The following TMEM51 variants were observed in gnomAD, a reference collection of about 807,000 sequenced individuals.
The protein encoded by TMEM51 is chromosome 1 open reading frame 72.
In TMEM51, 8 loss-of-function variants were observed where a neutral mutation model predicts 13.6. That is an observed-to-expected ratio of 0.59 (90% CI 0.35 to 1.07). The LOEUF (loss-of-function observed/expected upper bound fraction) is 1.07. Ranked by LOEUF, TMEM51 falls within the 50% of genes least tolerant of loss-of-function variation. TMEM51 has a pLI of 0.02. For synonymous variants in TMEM51, 147 were observed against 144.4 expected (o/e 1.02, Z -0.13); for missense variants, 279 against 330.7 (o/e 0.84, Z 1.21).
At chr1:15,178,418 C>A (rs1643514516) in intron 1 of TMEM51, among the ~76,000 whole-genome samples, 2 of 152,138 alleles carry the variant, frequency 1.3e-5, no homozygotes, top group African/African-American at 4.8e-5. Context: ...GATCACTTGG[C>A]TAATTAAAAG....
chr1:15,167,345 A>C (rs2100827680), intron 1 of TMEM51, among the ~76,000 whole-genome samples: 1 of 146,640 alleles, frequency 6.8e-6, no homozygotes, highest in East Asian at 1.9e-4. Flanking sequence ...AAAAAAAAAA[A>C]AAAAAAAAAA....
chr1:15,197,565 G>A (rs1196322047), intron 1 of TMEM51, among the ~76,000 whole-genome samples: 1 of 151,966 alleles, frequency 6.6e-6, no homozygotes. Context: ...CAAAAGCCCC[G>A]TACTGAGGCT....
intron 2 of TMEM51, among the ~76,000 whole-genome samples, 162 bp from the exon 3 acceptor site, chr1:15,214,733 C>T (rs556961656): frequency 7.6e-4 from 116 of 152,346 alleles, no homozygotes; most frequent in African/African-American, 2.6e-3. Flanking sequence ...CACAAGGAGC[C>T]TGAGCACGTA....
chr1:15,172,173 G>A (rs1244525252), intron 1 of TMEM51, among the ~76,000 whole-genome samples: 1 of 152,142 alleles, frequency 6.6e-6, no homozygotes, highest in Admixed American at 6.5e-5. Flanking sequence ...GCCCAGGAGT[G>A]CAAGACCAGC....
intron 1 of TMEM51, among the ~76,000 whole-genome samples, chr1:15,166,720 A>G (rs149350026): frequency 0.014 from 2,178 of 152,206 alleles, 60 homozygotes; most frequent in African/African-American, 0.049. Flanking sequence ...CTCTATCTCA[A>G]AAAAAGAAAG....
At chr1:15,213,714 G>C (rs1488926488) in intron 2 of TMEM51, among the ~76,000 whole-genome samples, 1 of 152,226 alleles carries the variant, frequency 6.6e-6, no homozygotes. Context: ...CTGGGCACAG[G>C]AGCGGAGAGG....
At position 15,219,437 on chromosome 1, in the gene TMEM51, G is replaced by A. The variant is rs752414813; in HGVS notation, c.456G>A (p.Pro152=). The A allele has an allele frequency of 3.5e-5, 57 of 1,613,948 alleles. No homozygotes were observed. Among genetic ancestry groups the A allele is most frequent in the Middle Eastern group, 3.3e-4 (2 of 6,084 alleles). ...AAGCAAGGGGAGAGGAGCAGAACCCGAGGTTGAGCATCTCTCTCCCGTCCT... is the reference window on the plus strand; with the variant it reads ...AAGCAAGGGGAGAGGAGCAGAACCCAAGGTTGAGCATCTCTCTCCCGTCCT... ...YSEARGEEQN[P]RLSISLPSYE... is the part of the protein sequence containing the mutation. The change falls in exon 4 of 4, where the codon CCG becomes CCA. Residue 152 remains proline, a synonymous_variant. Transcript: ENST00000376008.
intron 1 of TMEM51, among the ~76,000 whole-genome samples, chr1:15,163,844 G>A (rs80045488): frequency 7.4e-6 from 1 of 134,856 alleles, no homozygotes; most frequent in Admixed American, 7.3e-5. Context: ...GGGGAGGGGG[G>A]AGGGGACAAA....
intron 1 of TMEM51, among the ~76,000 whole-genome samples, chr1:15,171,919 C>T (rs1040152032): frequency 3.3e-5 from 5 of 152,170 alleles, no homozygotes; most frequent in Non-Finnish European, 7.3e-5. Flanking sequence ...CAACCCCTTG[C>T]TCAGATCATC....
intron 1 of TMEM51, among the ~76,000 whole-genome samples, chr1:15,180,255 G>A (rs551352587): frequency 2.3e-4 from 34 of 150,276 alleles, no homozygotes; most frequent in South Asian, 1.7e-3. Flanking sequence ...ACCTAATTGC[G>A]GTCAAAGTCT....
At chr1:15,188,833 C>A (rs1239513093) in intron 1 of TMEM51, among the ~76,000 whole-genome samples, 1 of 152,184 alleles carries the variant, frequency 6.6e-6, no homozygotes, top group Admixed American at 6.5e-5. Flanking sequence ...CTTCCTCTTA[C>A]AGCAGGGATG....
chr1:15,175,693 A>C (rs1643437220), intron 1 of TMEM51, among the ~76,000 whole-genome samples: 1 of 152,246 alleles, frequency 6.6e-6, no homozygotes, highest in Admixed American at 6.5e-5. Flanking sequence ...ACATGGTGGC[A>C]GGCAAGAGAC....
chr1:15,193,575 C>CTTTCTTTCTTTTTTTT (rs1249772503), intron 1 of TMEM51, among the ~76,000 whole-genome samples: 82 of 114,624 alleles, frequency 7.2e-4, no homozygotes, highest in African/African-American at 2.8e-3. Context: ...TTCTTTCTTT[C>CTTTCTTTCTTTTTTTT]TTTTTTTTTT....
rs1644266613 is a variant in TMEM51, at chr1:15,207,263, G to T, written c.-266-3227G>T. The stretch of plus-strand genomic sequence containing the variant: ...GACCTCCTCCCACTAAAGCCAGCTG[G>T]GCTGGGCGCTTCTGCAACTGCACCT... On this transcript the variant is annotated intron_variant, in intron 1 of 3. Transcript: ENST00000376008. The surrounding 1 kb of genome is among the most constrained non-coding windows in gnomAD (Gnocchi z 4.6). Among the ~76,000 whole-genome samples the T allele has an allele frequency of 2.0e-5, 3 of 152,328 alleles. No individual in the cohort carries two copies. In the South Asian group the frequency reaches 6.2e-4, roughly 32 times the overall value.
intron 1 of TMEM51, among the ~76,000 whole-genome samples, chr1:15,185,592 T>C (rs1201688056): frequency 6.6e-6 from 1 of 152,258 alleles, no homozygotes; most frequent in Non-Finnish European, 1.5e-5. Context: ...TGATTTATTT[T>C]TCTTGGTCGT....
chr1:15,198,451 G>T (rs1269102491), intron 1 of TMEM51, among the ~76,000 whole-genome samples: 1 of 152,070 alleles, frequency 6.6e-6, no homozygotes, highest in Non-Finnish European at 1.5e-5. Flanking sequence ...GAGTCTCACT[G>T]TGTTGCCCAG....
At chr1:15,171,958 C>T (rs150812209) in intron 1 of TMEM51, among the ~76,000 whole-genome samples, 26 of 152,284 alleles carry the variant, frequency 1.7e-4, no homozygotes, top group Non-Finnish European at 3.7e-4. Flanking sequence ...AGCAGATTTC[C>T]AGGCCCCAGC....
chr1:15,187,468 C>T (rs1332285152), intron 1 of TMEM51, among the ~76,000 whole-genome samples: 1 of 152,184 alleles, frequency 6.6e-6, no homozygotes, highest in Non-Finnish European at 1.5e-5. Flanking sequence ...GTGGTGATGC[C>T]TGTAGGTCCT....
intron 1 of TMEM51, among the ~76,000 whole-genome samples, chr1:15,199,458 A>AG (rs1341060280): frequency 3.3e-5 from 5 of 152,076 alleles, no homozygotes; most frequent in South Asian, 2.1e-4. Context: ...TTTAAAACCC[A>AG]GGGGGGCAGG....
Sources: allele counts gnomAD v4.1 joint callset (sites outside exome capture counted in the v4.1 genomes callset), GRCh38; gene constraint gnomAD v4.1.1; non-coding constraint Gnocchi (gnomAD v3.1); transcripts MANE v1.5; gene names NCBI Gene and HGNC (gene_info 2026-07-23, HGNC 2026-07-21).